EYS: variants seen among roughly 807,000 people sequenced by gnomAD.
EYS encodes the protein protein eyes shut homolog.
A neutral mutation model predicts 282.1 loss-of-function variants in EYS; 250 were observed. The ratio of observed to expected loss-of-function variants is 0.89; its 90% CI spans 0.80 to 0.98. The LOEUF is 0.98. Ranked by LOEUF, EYS falls within the 50% of genes least tolerant of loss-of-function variation. EYS has a pLI of 0.00. For synonymous variants in EYS, 1,355 were observed against 1,282.9 expected, an observed-to-expected ratio of 1.06 and a Z score of -1.20; for missense variants, 4,016 against 3,709.0, an observed-to-expected ratio of 1.08 and a Z score of -2.15.
At chr6:64,169,848 A>C (rs975341323) in intron 31 of EYS, among the ~76,000 whole-genome samples, 2 of 152,166 alleles carry the variant, frequency 1.3e-5, no homozygotes, top group Non-Finnish European at 2.9e-5. Flanking sequence ...GGTAACCTGC[A>C]CAGGAGTAAG....
chr6:65,283,711 GTATC>G (rs1410743933), intron 12 of EYS, among the ~76,000 whole-genome samples: 5 of 151,446 alleles, frequency 3.3e-5, no homozygotes, highest in Non-Finnish European at 7.4e-5. Context: ...TTTTTTCACA[GTATC>G]TATGCCTTTT....
intron 2 of EYS, among the ~76,000 whole-genome samples, chr6:65,601,884 T>G (rs1765628484): frequency 6.6e-6 from 1 of 151,996 alleles, no homozygotes; most frequent in Non-Finnish European, 1.5e-5. Context: ...TAGTTTCAAA[T>G]TTTTGGTTAA....
Position 65,556,405 on chromosome 6 carries a change from GTGTGTA to G in EYS, c.-332-60418_-332-60413del, listed in dbSNP as rs1360232110. Among the ~76,000 whole-genome samples the G allele has an allele frequency of 7.8e-4, 118 of 150,606 alleles. 3 individuals carry two copies. The highest frequency in any genetic ancestry group is 6.4e-3 in the Admixed American group (97 of 15,096). On this transcript the variant is annotated intron_variant, in intron 2 of 42. Transcript: ENST00000503581. Reference sequence around the variant, plus strand: ...GCTGGGTTTGTGTGTGTGTGTGTGTGTGTGTATGTGTGACTAAGAGAGAATTTTGAA... The same window carrying G: ...GCTGGGTTTGTGTGTGTGTGTGTGTGTGTGTGACTAAGAGAGAATTTTGAA...
chr6:64,562,634 G>A (rs1319481140), intron 26 of EYS, among the ~76,000 whole-genome samples: 1 of 151,736 alleles, frequency 6.6e-6, no homozygotes, highest in African/African-American at 2.4e-5. Context: ...ATTAGAGAGA[G>A]AAAGAGATCT....
intron 31 of EYS, among the ~76,000 whole-genome samples, chr6:64,208,187 G>C (rs1765665443): frequency 6.6e-6 from 1 of 152,150 alleles, no homozygotes; most frequent in Non-Finnish European, 1.5e-5. Context: ...TCATCTCTGT[G>C]AGAATTCTGT....
At chr6:63,958,948 G>T (rs1177480607) in intron 35 of EYS, among the ~76,000 whole-genome samples, 3 of 152,158 alleles carry the variant, frequency 2.0e-5, no homozygotes, top group African/African-American at 7.2e-5. Flanking sequence ...TGAATACAAG[G>T]AGTCTAATGT....
At chr6:64,493,903 C>T (rs1421025570) in intron 26 of EYS, among the ~76,000 whole-genome samples, 4 of 151,440 alleles carry the variant, frequency 2.6e-5, no homozygotes, top group Non-Finnish European at 4.4e-5. Context: ...CCATCTTCTC[C>T]CCAATACATG....
chr6:64,235,186 C>T (rs537602592), intron 30 of EYS, among the ~76,000 whole-genome samples: 180 of 150,638 alleles, frequency 1.2e-3, no homozygotes, highest in African/African-American at 4.2e-3. Context: ...TGTGCCGCAC[C>T]CATTAACTCG....
intron 22 of EYS, among the ~76,000 whole-genome samples, chr6:64,715,968 G>C (rs1231852003): frequency 6.6e-6 from 1 of 152,096 alleles, no homozygotes; most frequent in Non-Finnish European, 1.5e-5. Flanking sequence ...CAAACCTCTG[G>C]CCAGTGATCT....
chr6:63,996,112 G>T (rs556787440), intron 34 of EYS, among the ~76,000 whole-genome samples: 1 of 151,872 alleles, frequency 6.6e-6, no homozygotes, highest in South Asian at 2.1e-4. Context: ...AAAGGAAAAC[G>T]ATATATGTGT....
chr6:65,236,447 T>C (rs1473424364), intron 12 of EYS, among the ~76,000 whole-genome samples: 1 of 151,830 alleles, frequency 6.6e-6, no homozygotes, highest in Non-Finnish European at 1.5e-5. Flanking sequence ...CCGTCTCTAG[T>C]GAAAATACAA....
At chr6:64,211,844 G>A (rs1285704681) in intron 31 of EYS, among the ~76,000 whole-genome samples, 1 of 151,630 alleles carries the variant, frequency 6.6e-6, no homozygotes, top group Admixed American at 6.6e-5. Flanking sequence ...GGCCAGGTAC[G>A]GTGGCTCACA....
chr6:65,502,811 A>G (rs1051556656), intron 2 of EYS, among the ~76,000 whole-genome samples: 1 of 151,626 alleles, frequency 6.6e-6, no homozygotes, highest in African/African-American at 2.4e-5. Context: ...AGTAATATGT[A>G]CTGGGGAGAA....
chr6:65,416,983 C>T (rs962512076), intron 5 of EYS, among the ~76,000 whole-genome samples: 2 of 151,856 alleles, frequency 1.3e-5, no homozygotes, highest in African/African-American at 4.8e-5. Flanking sequence ...TAAGAGTTTG[C>T]CAAGACAAAG....
chr6:65,437,652 C>T (rs1193185656), intron 5 of EYS, among the ~76,000 whole-genome samples: 1 of 152,014 alleles, frequency 6.6e-6, no homozygotes. Context: ...ATAGAAGAAT[C>T]TTCTTTAAGA....
intron 1 of EYS, among the ~76,000 whole-genome samples, chr6:65,644,254 C>T (rs1264098596): frequency 6.6e-6 from 1 of 152,136 alleles, no homozygotes; most frequent in African/African-American, 2.4e-5. Context: ...GAAGGATACA[C>T]TTAGAGAAAT....
chr6:65,374,035 G>C (rs1407823412), intron 8 of EYS, among the ~76,000 whole-genome samples: 1 of 152,160 alleles, frequency 6.6e-6, no homozygotes, highest in Non-Finnish European at 1.5e-5. Flanking sequence ...TATCTTCATA[G>C]TGCCTTAAAT....
chr6:65,674,617 G>C (rs547400720), intron 1 of EYS, among the ~76,000 whole-genome samples: 52 of 151,948 alleles, frequency 3.4e-4, no homozygotes, highest in African/African-American at 1.1e-3. Flanking sequence ...TGCCAACCAA[G>C]ATTACTATAT....
Position 64,942,147 on chromosome 6 carries a change from C to T in EYS, c.2381+3646G>A, listed in dbSNP as rs9453114. Among the ~76,000 whole-genome samples, 1,168 of 151,836 alleles carry T rather than the reference C, an allele frequency of 7.7e-3. 14 individuals are homozygous for T. The highest frequency in any genetic ancestry group is 0.026 in the African/African-American group (1,084 of 41,434). Reference sequence around the variant, plus strand: ...TGGTTTTTTAACTTTTTAATAATAACAATGCTGATGTGTGTGAGATGTTGT... The same window carrying T: ...TGGTTTTTTAACTTTTTAATAATAATAATGCTGATGTGTGTGAGATGTTGT... On this transcript the variant is annotated intron_variant, in intron 15 of 42. Transcript: ENST00000503581.
Sources: gnomAD v4.1 joint callset for allele counts (sites outside exome capture counted in the v4.1 genomes callset) on GRCh38, gnomAD v4.1.1 for gene constraint, MANE v1.5 for transcripts, NCBI Gene and HGNC (gene_info 2026-07-23, HGNC 2026-07-21) for gene names.